Variants in KCNK9 observed in about 807,000 individuals in gnomAD.
KCNK9 encodes potassium two pore domain channel subfamily K member 9.
In KCNK9, 1 loss-of-function variant was observed where a neutral mutation model predicts 10.8. The ratio of observed to expected loss-of-function variants is 0.09; its 90% CI spans 0.03 to 0.44. KCNK9 has a LOEUF of 0.44. Ranked by LOEUF, KCNK9 falls within the 20% of genes least tolerant of loss-of-function variation. The probability of loss-of-function intolerance (pLI) is 0.97; values close to 1 mark genes in which losing one functional copy is unlikely to be tolerated. For synonymous variants in KCNK9, 231 were observed against 222.7 expected (o/e 1.04, Z -0.33); for missense variants, 303 against 515.0 (o/e 0.59, Z 3.98).
chr8:139,682,427 A>T (rs1432875744), intron 1 of KCNK9, among the ~76,000 whole-genome samples: 1 of 152,188 alleles, frequency 6.6e-6, no homozygotes, highest in African/African-American at 2.4e-5. Context: ...GCAGGTGCTG[A>T]ACTGGCGGGA....
downstream of KCNK9, among the ~76,000 whole-genome samples, chr8:139,607,686 C>T (rs1041093800): frequency 6.6e-6 from 1 of 152,184 alleles, no homozygotes; most frequent in Non-Finnish European, 1.5e-5. Context: ...GTCTACAGAA[C>T]TAATCTACCT....
chr8:139,695,512 A>C (rs11166921), intron 1 of KCNK9, among the ~76,000 whole-genome samples: 102,680 of 152,070 alleles, frequency 0.68, 35,132 homozygotes, highest in African/African-American at 0.79. Flanking sequence ...CGGTGAGTGC[A>C]CTGACCTAAA....
intron 1 of KCNK9, among the ~76,000 whole-genome samples, chr8:139,645,773 A>G (rs1225719726): frequency 6.6e-6 from 1 of 152,188 alleles, no homozygotes; most frequent in Non-Finnish European, 1.5e-5. Context: ...CAAGGCCCCA[A>G]GCGGTGCACA....
At chr8:139,633,135 TCAAACA>T (rs933831171) in intron 1 of KCNK9, among the ~76,000 whole-genome samples, 10 of 152,038 alleles carry the variant, frequency 6.6e-5, no homozygotes, top group African/African-American at 2.4e-4. Flanking sequence ...ACACAGGCAC[TCAAACA>T]CACACATGTA....
chr8:139,701,795 G>A (rs1817226726), intron 1 of KCNK9, among the ~76,000 whole-genome samples: 1 of 152,188 alleles, frequency 6.6e-6, no homozygotes, highest in Non-Finnish European at 1.5e-5. Flanking sequence ...ATAACGTCCG[G>A]GAGTCCTCCC....
chr8:139,642,003 G>A (rs1193144291), intron 1 of KCNK9, among the ~76,000 whole-genome samples: 1 of 152,210 alleles, frequency 6.6e-6, no homozygotes, highest in Non-Finnish European at 1.5e-5. Flanking sequence ...GCCAGCCATA[G>A]CCCGGTGAGG....
chr8:139,665,896 G>A (rs571363926), intron 1 of KCNK9, among the ~76,000 whole-genome samples: 8 of 152,346 alleles, frequency 5.3e-5, no homozygotes, highest in South Asian at 4.1e-4. Flanking sequence ...CACAAATGGC[G>A]TCAGTGTGGC....
rs116113632 is a variant in KCNK9, at chr8:139,637,097, T to C, written c.284-17998A>G. 9.5e-3 allele frequency among the ~76,000 whole-genome samples: 1,439 copies of C among 152,226 alleles called. 24 individuals carry two copies. Among genetic ancestry groups the C allele is most frequent in the African/African-American group, 0.031 (1,282 of 41,526 alleles). ...GAGGCTTTGGAAAGCTACAACATAC[T>C]CCCGGGAGCCTAAAAGGCTGTGTGC... On this transcript the variant is annotated intron_variant, in intron 1 of 1. Transcript: ENST00000520439.
At chr8:139,688,474 T>G (rs901839267) in intron 1 of KCNK9, among the ~76,000 whole-genome samples, 1 of 152,176 alleles carries the variant, frequency 6.6e-6, no homozygotes, top group Admixed American at 6.5e-5. Flanking sequence ...CCATCAGCTC[T>G]AGAGAGAATT....
rs58720559 is a variant in KCNK9, at chr8:139,602,794, T to C, written c.*1-1193A>G. 7.0e-3 allele frequency among the ~76,000 whole-genome samples: 1,061 copies of C among 152,336 alleles called. 12 individuals carry two copies. Among genetic ancestry groups the C allele is most frequent in the African/African-American group, 0.025 (1,031 of 41,576 alleles). ...GGTGCTCACGTGAGAAGGAGCTCAA[T>C]TGAAAATTGGCCCCTGCAAGCTGGA... On this transcript the variant is annotated intron_variant, in intron 2 of 2. Transcript: ENST00000650269.
chr8:139,634,850 G>A (rs888344), intron 1 of KCNK9, among the ~76,000 whole-genome samples: 91 of 152,260 alleles, frequency 6.0e-4, no homozygotes, highest in African/African-American at 2.0e-3. Context: ...GAGAGCCTCC[G>A]TGAGGGGACA....
At chr8:139,605,995 C>CAA (rs1817479016) in intron 2 of KCNK9, among the ~76,000 whole-genome samples, 1 of 152,098 alleles carries the variant, frequency 6.6e-6, no homozygotes, top group African/African-American at 2.4e-5. Context: ...AGAAGATGAA[C>CAA]AAAAGAAAAC....
At chr8:139,639,482 G>A (rs1332394373) in intron 1 of KCNK9, among the ~76,000 whole-genome samples, 1 of 152,176 alleles carries the variant, frequency 6.6e-6, no homozygotes, top group East Asian at 1.9e-4. Flanking sequence ...GGAGACTCAG[G>A]CCCACAGCTG....
chr8:139,625,151 T>G (rs867126259), intron 1 of KCNK9, among the ~76,000 whole-genome samples: 1 of 147,058 alleles, frequency 6.8e-6, no homozygotes, highest in Non-Finnish European at 1.5e-5. Context: ...CGTGCAGCCC[T>G]TGGGGGTCAG....
At chr8:139,636,633 A>G (rs1302656177) in intron 1 of KCNK9, among the ~76,000 whole-genome samples, 1 of 152,218 alleles carries the variant, frequency 6.6e-6, no homozygotes, top group Non-Finnish European at 1.5e-5. Flanking sequence ...CAGGAACTCA[A>G]CTCTTCCAGA....
chr8:139,631,656 A>G (rs568490590), intron 1 of KCNK9, among the ~76,000 whole-genome samples: 1 of 152,164 alleles, frequency 6.6e-6, no homozygotes, highest in Non-Finnish European at 1.5e-5. Context: ...CTCCAAAAAA[A>G]TTTTTAGAAA....
chr8:139,653,450 T>C (rs1815927405), intron 1 of KCNK9, among the ~76,000 whole-genome samples: 1 of 152,072 alleles, frequency 6.6e-6, no homozygotes, highest in Non-Finnish European at 1.5e-5. Flanking sequence ...CTGCCCAATT[T>C]CTGGGTCCAT....
At chr8:139,609,601 A>G (rs895220663), downstream of KCNK9, among the ~76,000 whole-genome samples, 18 of 152,236 alleles carry the variant, frequency 1.2e-4, no homozygotes, top group African/African-American at 4.3e-4. Context: ...GCAGATACTG[A>G]TGACTCACAG....
At chr8:139,700,645 T>C (rs1285448851) in intron 1 of KCNK9, among the ~76,000 whole-genome samples, 1 of 152,174 alleles carries the variant, frequency 6.6e-6, no homozygotes, top group East Asian at 1.9e-4. Flanking sequence ...ATTCCTCAGA[T>C]GGCCTCTGGT....
Sources: allele counts gnomAD v4.1 joint callset (sites outside exome capture counted in the v4.1 genomes callset), GRCh38; gene constraint gnomAD v4.1.1; transcripts MANE v1.5; gene names NCBI Gene and HGNC (gene_info 2026-07-23, HGNC 2026-07-21).